ASAP2: variants seen among roughly 807,000 people sequenced by gnomAD.
ASAP2 encodes the protein arf-GAP with SH3 domain, ANK repeat and PH domain-containing protein 2.
ASAP2 carries 45 observed loss-of-function variants against 131.4 expected under a neutral mutation model. The observed-to-expected ratio is 0.34, with a 90% CI of 0.27 to 0.44. ASAP2 has a LOEUF of 0.44. ASAP2 is among the 20% of genes least tolerant of loss of function. The probability of loss-of-function intolerance (pLI) is 1.00; values close to 1 mark genes in which losing one functional copy is unlikely to be tolerated. For synonymous variants in ASAP2, 510 were observed against 503.0 expected (o/e 1.01, Z -0.19); for missense variants, 1,011 against 1,297.0 (o/e 0.78, Z 3.39).
Position 9,403,669 on chromosome 2 carries a change from T to G in ASAP2, c.*342T>G. On this transcript the variant is annotated 3_prime_UTR_variant, in exon 28 of 28. Coordinates refer to ENST00000281419, the MANE Select transcript of ASAP2 (RefSeq NM_003887.3). ...CATTAATGAATAAATTCTTCCTGCATTCCTTGGCCCAGTTCTGGAGTTGGT... is the reference window on the plus strand; with the variant it reads ...CATTAATGAATAAATTCTTCCTGCAGTCCTTGGCCCAGTTCTGGAGTTGGT... 1 of 227,066 alleles carries G rather than the reference T, an allele frequency of 4.4e-6. No homozygotes were observed. Among genetic ancestry groups the G allele is most frequent in the East Asian group, 1.2e-4 (1 of 8,198 alleles). 14.1% of individuals were successfully genotyped at this position (227,066 alleles called of 1,614,324 possible).
chr2:9,306,766 G>A (rs912708030), intron 3 of ASAP2, among the ~76,000 whole-genome samples: 2 of 152,090 alleles, frequency 1.3e-5, no homozygotes, highest in Non-Finnish European at 2.9e-5. Context: ...ACTTTCAGCC[G>A]TTTGGTAATC....
At chr2:9,328,531 C>A (rs770561532) in intron 7 of ASAP2, among the ~76,000 whole-genome samples, 1 of 152,092 alleles carries the variant, frequency 6.6e-6, no homozygotes, top group African/African-American at 2.4e-5. Context: ...AATAAGAAAA[C>A]ACTTTTATAT....
intron 1 of ASAP2, among the ~76,000 whole-genome samples, chr2:9,256,488 A>T (rs1316948480): frequency 6.6e-6 from 1 of 152,216 alleles, no homozygotes; most frequent in East Asian, 1.9e-4. Context: ...CATATCTGAG[A>T]TAAGGACTGC....
chr2:9,278,651 TGTGA>T (rs1288756200), intron 1 of ASAP2, among the ~76,000 whole-genome samples: 3 of 152,192 alleles, frequency 2.0e-5, no homozygotes, highest in Non-Finnish European at 2.9e-5. Flanking sequence ...TGCTGGACAT[TGTGA>T]GTGCCATAGA....
intron 7 of ASAP2, among the ~76,000 whole-genome samples, chr2:9,332,166 TTTGATTGGGTAATG>T (rs777317417): frequency 9.2e-5 from 14 of 152,000 alleles, no homozygotes; most frequent in Non-Finnish European, 1.9e-4. Flanking sequence ...GACAACAAAA[TTTGATTGGGTAATG>T]TTGATGGTAA....
At chr2:9,260,572 C>T (rs1445028088) in intron 1 of ASAP2, among the ~76,000 whole-genome samples, 1 of 152,140 alleles carries the variant, frequency 6.6e-6, no homozygotes, top group African/African-American at 2.4e-5. Flanking sequence ...TCGTCACACT[C>T]CTTTTTTAGA....
rs1036452079 is a variant in ASAP2, at chr2:9,344,234, G to A, written c.850-298G>A. ...GCCGTAGTGGGAGCCTCATGTCACT[G>A]TCAGGGGGTTAAGGCTCGTAATGAA... is the stretch of plus-strand genomic sequence containing the variant. On this transcript the variant is annotated intron_variant, in intron 9 of 27. Transcript: ENST00000281419. Among the ~76,000 whole-genome samples the A allele has an allele frequency of 1.8e-4, 27 of 152,114 alleles. 1 individual carries two copies. The highest frequency in any genetic ancestry group is 6.5e-5 in the Admixed American group (1 of 15,274).
intron 1 of ASAP2, among the ~76,000 whole-genome samples, chr2:9,242,252 T>C (rs1664025679): frequency 6.6e-6 from 1 of 152,204 alleles, no homozygotes. Context: ...TCTGACCTGG[T>C]CCATGGGAAG....
chr2:9,271,703 C>G, intron 1 of ASAP2: 1 of 469,176 alleles, frequency 2.1e-6, no homozygotes. Context: ...AGTAGGGAAG[C>G]GACGGGGCCC....
intron 1 of ASAP2, among the ~76,000 whole-genome samples, chr2:9,223,091 A>G (rs1662542098): frequency 6.6e-6 from 1 of 152,208 alleles, no homozygotes; most frequent in South Asian, 2.1e-4. Context: ...TCACACTTGC[A>G]AGCGACTGCT....
chr2:9,323,307 C>G, intron 6 of ASAP2, 57 bp downstream of exon 6: 1 of 1,600,134 alleles, frequency 6.2e-7, no homozygotes, highest in Non-Finnish European at 8.5e-7. Flanking sequence ...TCTGCCCTCA[C>G]CTGTGGGAGC....
At chr2:9,272,193 C>T (rs1303818006) in intron 1 of ASAP2, among the ~76,000 whole-genome samples, 1 of 152,118 alleles carries the variant, frequency 6.6e-6, no homozygotes, top group East Asian at 1.9e-4. Flanking sequence ...ACAGGGGTTC[C>T]CTTTTCTCCA....
chr2:9,293,183 C>G (rs1469125041), intron 2 of ASAP2, among the ~76,000 whole-genome samples: 4 of 152,196 alleles, frequency 2.6e-5, no homozygotes, highest in Admixed American at 6.5e-5. Context: ...TGCATGCTGG[C>G]TTCATGATCG....
At chr2:9,383,313 T>C (rs1475706139) in intron 20 of ASAP2, among the ~76,000 whole-genome samples, 1 of 152,046 alleles carries the variant, frequency 6.6e-6, no homozygotes, top group Admixed American at 6.6e-5. Flanking sequence ...CAGGTTGGAG[T>C]GCAATGGCGT....
Position 9,310,090 on chromosome 2 carries a change from A to G in ASAP2, c.346-8434A>G, listed in dbSNP as rs566428523. 3.3e-5 allele frequency among the ~76,000 whole-genome samples: 5 copies of G among 152,330 alleles called. No individual in the cohort carries two copies. The South Asian group carries it at 6.2e-4, about 19-fold the overall frequency. On this transcript the variant is annotated intron_variant, in intron 3 of 27. Coordinates refer to ENST00000281419, the MANE Select transcript of ASAP2 (RefSeq NM_003887.3). Reference sequence around the variant, plus strand: ...ATACAATGAGGTGTGAGGTCTTTCTACAACTGCCCACCCTTAGACAAGGTG... The same window carrying G: ...ATACAATGAGGTGTGAGGTCTTTCTGCAACTGCCCACCCTTAGACAAGGTG...
chr2:9,209,930 C>T (rs1189085987), intron 1 of ASAP2, among the ~76,000 whole-genome samples: 1 of 152,234 alleles, frequency 6.6e-6, no homozygotes, highest in Non-Finnish European at 1.5e-5. Flanking sequence ...TAGGTTCTAT[C>T]TGCCAAAGAA....
intron 2 of ASAP2, among the ~76,000 whole-genome samples, chr2:9,282,859 T>C (rs1667218896): frequency 6.6e-6 from 1 of 152,232 alleles, no homozygotes; most frequent in Non-Finnish European, 1.5e-5. Context: ...TCTGTACCAG[T>C]GTCCCTCACT....
At chr2:9,358,241 A>C (rs1672843021) in intron 14 of ASAP2, among the ~76,000 whole-genome samples, 1 of 152,246 alleles carries the variant, frequency 6.6e-6, no homozygotes, top group Admixed American at 6.5e-5. Flanking sequence ...AGCTCTTAAC[A>C]ACACAAACTG....
At chr2:9,267,109 A>G (rs1237082494) in intron 1 of ASAP2, among the ~76,000 whole-genome samples, 1 of 152,168 alleles carries the variant, frequency 6.6e-6, no homozygotes, top group Non-Finnish European at 1.5e-5. Flanking sequence ...ATACACACAC[A>G]TAGCATTAAA....
Sources: gnomAD v4.1 joint callset for allele counts (sites outside exome capture counted in the v4.1 genomes callset) on GRCh38, gnomAD v4.1.1 for gene constraint, MANE v1.5 for transcripts, NCBI Gene and HGNC (gene_info 2026-07-23, HGNC 2026-07-21) for gene names.